CNBD1: variants seen among roughly 807,000 people sequenced by gnomAD.
CNBD1 encodes the protein cyclic nucleotide binding domain containing 1.
Under a neutral mutation model 54.4 loss-of-function variants are expected in CNBD1, and 71 were observed. The ratio of observed to expected loss-of-function variants is 1.30; its 90% CI spans 1.08 to 1.59. CNBD1 has a LOEUF of 1.59. Ranked by LOEUF, CNBD1 falls within the 40% of genes most tolerant of loss-of-function variation. The pLI is 0.00. For missense variants in CNBD1, 659 were observed against 518.0 expected (o/e 1.27, Z -2.64); for synonymous variants, 182 against 170.7 (o/e 1.07, Z -0.51).
In CNBD1 at chr8:87,359,048, T is replaced by G. The variant is rs77096622; in HGVS notation, c.1303+5262T>G. Among the ~76,000 whole-genome samples the G allele has an allele frequency of 3.8e-3, 584 of 152,278 alleles. 8 individuals carry two copies. The highest frequency in any genetic ancestry group is 0.013 in the African/African-American group (555 of 41,560). On this transcript the variant is annotated intron_variant, in intron 10 of 10. Coordinates refer to ENST00000518476, the MANE Select transcript of CNBD1 (RefSeq NM_173538.3). ...ACCCTCAAAGACACATCTGGAAATG[T>G]TTTACCAGCTATCTGGGCATCCCTT...
At chr8:86,999,369 C>T (rs935442245) in intron 4 of CNBD1, among the ~76,000 whole-genome samples, 1 of 152,088 alleles carries the variant, frequency 6.6e-6, no homozygotes, top group Non-Finnish European at 1.5e-5. Flanking sequence ...TCAGATATTT[C>T]CCTACTGGGA....
downstream of CNBD1, among the ~76,000 whole-genome samples, chr8:87,385,034 A>G (rs1306000384): frequency 6.6e-6 from 1 of 152,200 alleles, no homozygotes; most frequent in East Asian, 1.9e-4. Context: ...AAGTTTTCAA[A>G]TAATCACTTG....
At chr8:86,920,880 C>CA (rs1809260405) in intron 3 of CNBD1, among the ~76,000 whole-genome samples, 1 of 114,846 alleles carries the variant, frequency 8.7e-6, no homozygotes, top group Non-Finnish European at 2.0e-5. Flanking sequence ...CTGTAATACT[C>CA]ATTTTTTTTT....
At chr8:87,317,151 G>T (rs1450082000) in intron 8 of CNBD1, among the ~76,000 whole-genome samples, 1 of 151,710 alleles carries the variant, frequency 6.6e-6, no homozygotes, top group Non-Finnish European at 1.5e-5. Flanking sequence ...CAAAGAAATA[G>T]CCTTGGTTTC....
chr8:86,960,399 C>G (rs1807898084), intron 4 of CNBD1, among the ~76,000 whole-genome samples: 1 of 152,174 alleles, frequency 6.6e-6, no homozygotes, highest in Admixed American at 6.5e-5. Flanking sequence ...GCACAGCAGT[C>G]TGAGATCGAA....
At chr8:87,158,674 T>C (rs745342145) in intron 4 of CNBD1, among the ~76,000 whole-genome samples, 4 of 152,122 alleles carry the variant, frequency 2.6e-5, no homozygotes, top group Non-Finnish European at 5.9e-5. Flanking sequence ...GAGACAGACA[T>C]GTCTGTGGTC....
chr8:87,285,514 T>G (rs1166886592), intron 7 of CNBD1, among the ~76,000 whole-genome samples: 4 of 151,962 alleles, frequency 2.6e-5, no homozygotes, highest in Non-Finnish European at 5.9e-5. Context: ...GAGGAGGGTG[T>G]ATCACCTGAG....
chr8:86,978,297 G>A (rs988227509), intron 4 of CNBD1, among the ~76,000 whole-genome samples: 1 of 152,114 alleles, frequency 6.6e-6, no homozygotes, highest in East Asian at 1.9e-4. Context: ...GTGTGGGTGA[G>A]CTTTCCATTG....
intron 4 of CNBD1, among the ~76,000 whole-genome samples, chr8:86,971,910 A>T (rs1005350501): frequency 6.6e-6 from 1 of 152,068 alleles, no homozygotes; most frequent in African/African-American, 2.4e-5. Context: ...TTTATCTCTC[A>T]CATAGATATA....
At chr8:87,267,051 A>G (rs1326336751) in intron 6 of CNBD1, among the ~76,000 whole-genome samples, 9 of 152,182 alleles carry the variant, frequency 5.9e-5, no homozygotes, top group African/African-American at 2.2e-4. Context: ...ATCCAGAGAT[A>G]TTCTAAGTAA....
At chr8:86,935,794 T>C (rs1456701539) in intron 3 of CNBD1, among the ~76,000 whole-genome samples, 3 of 152,194 alleles carry the variant, frequency 2.0e-5, no homozygotes, top group Non-Finnish European at 4.4e-5. Context: ...TTTCTTTTTC[T>C]CATTTTTTGA....
chr8:87,416,675 CT>C (rs1432424555), intron 2 of CNBD1, among the ~76,000 whole-genome samples: 1 of 151,980 alleles, frequency 6.6e-6, no homozygotes, highest in Non-Finnish European at 1.5e-5. Flanking sequence ...AGTACAAAGC[CT>C]TTTTCCCAGG....
At chr8:86,972,849 C>T (rs1056280455) in intron 4 of CNBD1, among the ~76,000 whole-genome samples, 1 of 152,142 alleles carries the variant, frequency 6.6e-6, no homozygotes, top group Non-Finnish European at 1.5e-5. Context: ...TTGCCAAATG[C>T]CATAGTAGTC....
At chr8:87,388,826 G>A (rs1269695602) in intron 2 of CNBD1, among the ~76,000 whole-genome samples, 1 of 152,112 alleles carries the variant, frequency 6.6e-6, no homozygotes, top group Non-Finnish European at 1.5e-5. Flanking sequence ...CAATATCCCT[G>A]ATTAACATCG....
chr8:87,374,631 T>G (rs930572569), intron 10 of CNBD1, among the ~76,000 whole-genome samples: 2 of 151,796 alleles, frequency 1.3e-5, no homozygotes, highest in Non-Finnish European at 2.9e-5. Flanking sequence ...GCAGTTAGGT[T>G]GGAGCCATGT....
intron 2 of CNBD1, among the ~76,000 whole-genome samples, chr8:86,902,362 A>G (rs1808951985): frequency 6.6e-6 from 1 of 152,102 alleles, no homozygotes; most frequent in Non-Finnish European, 1.5e-5. Flanking sequence ...TTTACATGAG[A>G]GTACAGATCT....
intron 4 of CNBD1, among the ~76,000 whole-genome samples, chr8:86,978,140 A>G (rs1808383839): frequency 6.6e-6 from 1 of 152,166 alleles, no homozygotes; most frequent in Non-Finnish European, 1.5e-5. Context: ...TTTTCTTGCC[A>G]TTTGACCTAT....
chr8:87,309,883 GAAT>G (rs1316087384), intron 8 of CNBD1, among the ~76,000 whole-genome samples: 1 of 152,110 alleles, frequency 6.6e-6, no homozygotes, highest in African/African-American at 2.4e-5. Context: ...AATAGGAAAA[GAAT>G]AAGTCAAACT....
At chr8:86,925,093 T>C (rs1759504833) in intron 3 of CNBD1, among the ~76,000 whole-genome samples, 1 of 152,206 alleles carries the variant, frequency 6.6e-6, no homozygotes, top group Non-Finnish European at 1.5e-5. Flanking sequence ...GATTTCAATA[T>C]TGACTGTCAA....
Sources: gnomAD v4.1 joint callset for allele counts (sites outside exome capture counted in the v4.1 genomes callset) on GRCh38, gnomAD v4.1.1 for gene constraint, MANE v1.5 for transcripts, NCBI Gene and HGNC (gene_info 2026-07-23, HGNC 2026-07-21) for gene names.